CCDC102B: variants seen among roughly 807,000 people sequenced by gnomAD.
CCDC102B encodes the protein coiled-coil domain containing 102B.
In CCDC102B, 75 loss-of-function variants were observed where a neutral mutation model predicts 57.4. The ratio of observed to expected loss-of-function variants is 1.31; its 90% CI spans 1.08 to 1.58. The LOEUF is 1.58. Among genes scored for constraint, CCDC102B ranks in the 40% most tolerant of loss-of-function variants. CCDC102B has a pLI of 0.00. For synonymous variants in CCDC102B, 206 were observed against 201.9 expected, an observed-to-expected ratio of 1.02 and a Z score of -0.17; for missense variants, 636 against 582.6, an observed-to-expected ratio of 1.09 and a Z score of -0.94.
At chr18:68,877,481 A>C (rs1398209369) in intron 5 of CCDC102B, among the ~76,000 whole-genome samples, 1 of 152,198 alleles carries the variant, frequency 6.6e-6, no homozygotes, top group Non-Finnish European at 1.5e-5. Context: ...AATTCTTCTA[A>C]GACCCTGTTT....
intron 6 of CCDC102B, among the ~76,000 whole-genome samples, chr18:68,994,479 A>G (rs2050961922): frequency 6.6e-6 from 1 of 151,764 alleles, no homozygotes; most frequent in Admixed American, 6.6e-5. Flanking sequence ...AATCCTCGTG[A>G]TCCCTATAAT....
At chr18:68,972,999 G>A (rs2050340638) in intron 6 of CCDC102B, among the ~76,000 whole-genome samples, 1 of 152,016 alleles carries the variant, frequency 6.6e-6, no homozygotes, top group African/African-American at 2.4e-5. Context: ...CACATATATA[G>A]GCAACAGATT....
At chr18:68,787,309 C>T (rs1431014681) in intron 2 of CCDC102B, among the ~76,000 whole-genome samples, 1 of 151,562 alleles carries the variant, frequency 6.6e-6, no homozygotes, top group Non-Finnish European at 1.5e-5. Flanking sequence ...TGTGTCTCGG[C>T]CCGGCTTTGG....
At chr18:68,745,713 T>A (rs1234424078) in intron 2 of CCDC102B, among the ~76,000 whole-genome samples, 1 of 152,178 alleles carries the variant, frequency 6.6e-6, no homozygotes, top group Non-Finnish European at 1.5e-5. Context: ...TTTTTGTACC[T>A]ATTAACCTAC....
intron 1 of CCDC102B, among the ~76,000 whole-genome samples, chr18:68,800,629 T>G (rs1273267683): frequency 6.6e-6 from 1 of 152,100 alleles, no homozygotes; most frequent in African/African-American, 2.4e-5. Context: ...ATGAGATGTG[T>G]GAGGTGGCCA....
In CCDC102B at chr18:68,846,311, A is replaced by C; in HGVS notation, c.828-2A>C. 1.4e-6 allele frequency: 2 copies of C among 1,479,998 alleles called. No homozygotes were observed. The highest frequency in any genetic ancestry group is 1.4e-5 in the African/African-American group (1 of 69,078). The allele number at this position is 1,479,998 out of a possible 1,614,324, so 91.7% of individuals were successfully genotyped here. ...TTTTCTTTTAATTCTTAAATTATTT[A>C]GAATGCGCACAGCTTTGGAAAAAGA... On this transcript the variant is annotated splice_acceptor_variant, in intron 3 of 7. Transcript: ENST00000360242. LOFTEE classifies it high-confidence loss of function.
chr18:69,052,738 A>G (rs2052739987), intron 7 of CCDC102B, among the ~76,000 whole-genome samples: 2 of 151,806 alleles, frequency 1.3e-5, no homozygotes, highest in African/African-American at 4.8e-5. Context: ...GGCCCTCCAT[A>G]TCCACGGATT....
At chr18:69,023,063 G>T (rs7227786) in intron 7 of CCDC102B, among the ~76,000 whole-genome samples, 150,674 of 152,230 alleles carry the variant, frequency 0.99, 74,591 homozygotes, top group East Asian at 1. Context: ...TGAATTATGT[G>T]AGACAAGGCA....
At chr18:68,760,495 T>C (rs928283568) in intron 2 of CCDC102B, among the ~76,000 whole-genome samples, 2 of 152,106 alleles carry the variant, frequency 1.3e-5, no homozygotes, top group Non-Finnish European at 2.9e-5. Context: ...ATAAACACTT[T>C]TGTTGTACCA....
At chr18:68,809,018 TG>T (rs1439501676) in intron 1 of CCDC102B, among the ~76,000 whole-genome samples, 1 of 152,238 alleles carries the variant, frequency 6.6e-6, no homozygotes, top group Admixed American at 6.5e-5. Flanking sequence ...ATTAATCATG[TG>T]TTTTAAGAAA....
chr18:68,752,457 A>G (rs1328368439), intron 2 of CCDC102B, among the ~76,000 whole-genome samples: 1 of 146,816 alleles, frequency 6.8e-6, no homozygotes, highest in Non-Finnish European at 1.5e-5. Context: ...AATAAAGAAA[A>G]AAGAAAACAG....
At chr18:68,874,192 GTGTGTGTGTGTGTGTGTGTGTA>G (rs1244771852) in intron 4 of CCDC102B, among the ~76,000 whole-genome samples, 42 of 131,044 alleles carry the variant, frequency 3.2e-4, no homozygotes, top group Middle Eastern at 3.8e-3. Context: ...GTGTGTGTGT[GTGTGTGTGTGTGTGTGTGTGTA>G]TATATATATA....
chr18:69,021,664 G>A (rs1270936181), intron 7 of CCDC102B, among the ~76,000 whole-genome samples: 1 of 152,130 alleles, frequency 6.6e-6, no homozygotes, highest in African/African-American at 2.4e-5. Context: ...GTTTCTTTTC[G>A]TTTAAATGCT....
intron 6 of CCDC102B, among the ~76,000 whole-genome samples, chr18:69,002,090 C>T (rs1568116691): frequency 6.6e-6 from 1 of 152,122 alleles, no homozygotes; most frequent in Admixed American, 6.5e-5. Context: ...TCCTGGAGAA[C>T]TAGTAAATTT....
chr18:68,917,357 G>GAT (rs2041110328), intron 6 of CCDC102B, among the ~76,000 whole-genome samples: 1 of 152,062 alleles, frequency 6.6e-6, no homozygotes, highest in South Asian at 2.1e-4. Context: ...GATGAGCCTG[G>GAT]GGAGTAGCTG....
chr18:68,920,322 C>A (rs2041233130), intron 6 of CCDC102B, among the ~76,000 whole-genome samples: 1 of 152,082 alleles, frequency 6.6e-6, no homozygotes, highest in South Asian at 2.1e-4. Context: ...CAAAAACAGA[C>A]CCATAGGCCA....
intron 2 of CCDC102B, among the ~76,000 whole-genome samples, chr18:68,771,297 T>C (rs552549794): frequency 3.3e-5 from 5 of 152,098 alleles, no homozygotes; most frequent in East Asian, 3.8e-4. Flanking sequence ...TGGAGATACG[T>C]TGGGTCAGGA....
chr18:68,785,655 GC>G (rs2035179332), intron 2 of CCDC102B, among the ~76,000 whole-genome samples: 2 of 148,278 alleles, frequency 1.3e-5, no homozygotes, highest in Non-Finnish European at 3.0e-5. Flanking sequence ...CATGTCCTTC[GC>G]CCACTTTTTG....
At chr18:68,789,146 T>A (rs1014136682) in intron 2 of CCDC102B, among the ~76,000 whole-genome samples, 1 of 152,172 alleles carries the variant, frequency 6.6e-6, no homozygotes, top group African/African-American at 2.4e-5. Context: ...TTAAGAATGT[T>A]GAATATTGGC....
Sources: gnomAD v4.1 joint callset for allele counts (sites outside exome capture counted in the v4.1 genomes callset) on GRCh38, gnomAD v4.1.1 for gene constraint, MANE v1.5 for transcripts, NCBI Gene and HGNC (gene_info 2026-07-23, HGNC 2026-07-21) for gene names.